The following PCDHGA8 variants were observed in gnomAD, a reference collection of about 807,000 sequenced individuals.
PCDHGA8 encodes the protein protocadherin gamma subfamily A, 8.
In PCDHGA8, 45 loss-of-function variants were observed where a neutral mutation model predicts 59.2. That is an observed-to-expected ratio of 0.76 (90% CI 0.60 to 0.98). The LOEUF (loss-of-function observed/expected upper bound fraction) is 0.98, where lower values mean the gene tolerates loss of function less well. Among genes scored for constraint, PCDHGA8 ranks in the 50% least tolerant of loss-of-function variants. The probability of loss-of-function intolerance (pLI) is 0.00; values close to 1 mark genes in which losing one functional copy is unlikely to be tolerated. For missense variants in PCDHGA8, 1,257 were observed against 1,196.2 expected, an observed-to-expected ratio of 1.05 and a Z score of -0.75; for synonymous variants, 531 against 519.0, an observed-to-expected ratio of 1.02 and a Z score of -0.32.
At chr5:141,503,230 G>A (rs911238781) in intron 2 of PCDHGA8, among the ~76,000 whole-genome samples, 1 of 152,006 alleles carries the variant, frequency 6.6e-6, no homozygotes, top group African/African-American at 2.4e-5. Context: ...CCGTAAAGAT[G>A]GACAGTTTCT....
chr5:141,415,853 G>GTAGTT, intron 1 of PCDHGA8: 1 of 1,186,350 alleles, frequency 8.4e-7, no homozygotes, highest in Non-Finnish European at 1.1e-6. Context: ...GCAGAACCTT[G>GTAGTT]TAGTTTATAG....
At position 141,478,876 on chromosome 5, in the gene PCDHGA8, C is replaced by A. The variant is rs2099482470; in HGVS notation, c.2425-15931C>A. 30 of 1,265,748 alleles carry A rather than the reference C, an allele frequency of 2.4e-5. No individual in the cohort carries two copies. The South Asian group carries it at 4.7e-4, about 20-fold the overall frequency. 78.4% of individuals were successfully genotyped at this position (1,265,748 alleles called of 1,614,324 possible). On this transcript the variant is annotated intron_variant, in intron 1 of 3. Transcript: ENST00000398604. ...CAAGATCTCAGCGATCAGAGTTTAGCTTGGTATCATTTACATTAGGAATAA... is the reference window on the plus strand; with the variant it reads ...CAAGATCTCAGCGATCAGAGTTTAGATTGGTATCATTTACATTAGGAATAA...
chr5:141,427,865 G>A, intron 1 of PCDHGA8: 1 of 1,558,148 alleles, frequency 6.4e-7, no homozygotes. Flanking sequence ...GCGCCTTCGA[G>A]CTCACGATGC....
chr5:141,433,365 A>ATCTG, intron 1 of PCDHGA8: 1 of 523,830 alleles, frequency 1.9e-6, no homozygotes, highest in East Asian at 3.1e-5. Context: ...CTGCCTATCT[A>ATCTG]TCTATCTATC....
At chr5:141,400,168 C>T (rs1042097050) in intron 1 of PCDHGA8, 5 of 1,614,088 alleles carry the variant, frequency 3.1e-6, no homozygotes, top group Non-Finnish European at 4.2e-6. Flanking sequence ...CTCTGACCCC[C>T]AGGCTGAGCT....
chr5:141,444,001 C>G (rs2098413288), intron 1 of PCDHGA8, among the ~76,000 whole-genome samples: 1 of 151,914 alleles, frequency 6.6e-6, no homozygotes, highest in Non-Finnish European at 1.5e-5. Flanking sequence ...TTAAATGCTA[C>G]CTGGGTATTG....
At chr5:141,502,575 A>G (rs1314648955) in intron 2 of PCDHGA8, among the ~76,000 whole-genome samples, 2 of 152,208 alleles carry the variant, frequency 1.3e-5, no homozygotes, top group Admixed American at 1.3e-4. Context: ...CATTATAAAA[A>G]TATATTTTTA....
chr5:141,505,413 C>G lies in PCDHGA8; in HGVS notation c.2504C>G (p.Thr835Ser). ...CCCAGCTCCCAAAATGGCGATGACA[C>G]CGGCACCTGGCCCAACAACCAGTTT... Reference protein sequence around the residue: ...GTSGSQNGDDTGTWPNNQFDT... With the variant: ...GTSGSQNGDDSGTWPNNQFDT... Residue 835 changes from threonine to serine, a missense_variant, in exon 3 of 4, where the codon ACC (threonine) becomes AGC (serine). Physicochemically the swap from Thr to Ser is moderately conservative, Grantham distance 58. Coordinates refer to ENST00000398604, the MANE Select transcript of PCDHGA8 (RefSeq NM_032088.2). 2.5e-6 allele frequency: 4 copies of G among 1,614,202 alleles called. No individual in the cohort carries two copies. In the South Asian group the frequency reaches 4.4e-5, roughly 18 times the overall value.
At chr5:141,415,754 T>TTG in intron 1 of PCDHGA8, 4 of 1,385,736 alleles carry the variant, frequency 2.9e-6, no homozygotes, top group South Asian at 1.7e-5. Flanking sequence ...TTTTTTTTTT[T>TTG]TTTTTTTTTT....
rs764482722 is a variant in PCDHGA8 at position 141,432,066 on chromosome 5, C to T, written c.2424+36829C>T. 62 of 1,614,062 alleles carry T rather than the reference C, an allele frequency of 3.8e-5. No individual in the cohort carries two copies. The highest frequency in any genetic ancestry group is 5.2e-5 in the Non-Finnish European group (61 of 1,180,046). On this transcript the variant is annotated intron_variant, in intron 1 of 3. Coordinates refer to ENST00000398604, the MANE Select transcript of PCDHGA8 (RefSeq NM_032088.2). The surrounding 1 kb of genome is among the most constrained non-coding windows in gnomAD (Gnocchi z 6.0). ...GGAACCCCGCCCCTATCCACGGAAA[C>T]TCATATCTCGCTGAACGTGGCAGAC...
intron 1 of PCDHGA8, chr5:141,403,123 G>A: frequency 6.2e-7 from 1 of 1,614,066 alleles, no homozygotes; most frequent in Non-Finnish European, 8.5e-7. Context: ...TGGAGCCCCG[G>A]GAGCTGGCGG....
chr5:141,438,288 G>C (rs752722248), intron 1 of PCDHGA8, among the ~76,000 whole-genome samples: 18 of 151,902 alleles, frequency 1.2e-4, no homozygotes, highest in Non-Finnish European at 2.1e-4. Flanking sequence ...AATTTAATCT[G>C]TATGTAAAAG....
intron 1 of PCDHGA8, chr5:141,419,128 A>T (rs1298102722): frequency 1.2e-6 from 2 of 1,613,768 alleles, no homozygotes; most frequent in East Asian, 2.2e-5. Flanking sequence ...TCACCATCGC[A>T]GCCACAGACA....
In PCDHGA8 at chr5:141,486,474, C is replaced by T. The variant is rs1594589698; in HGVS notation, c.2425-8333C>T. On this transcript the variant is annotated intron_variant, in intron 1 of 3. Transcript: ENST00000398604. This position sits in a 1 kb window ranked among gnomAD's most constrained non-coding sequence, Gnocchi z 5.0. ...ACTGCTTCTGATGCTGGGAACCCTCCTCTCAGTACCCACAGAACTATTTTC... is the reference window on the plus strand; with the variant it reads ...ACTGCTTCTGATGCTGGGAACCCTCTTCTCAGTACCCACAGAACTATTTTC... 1 of 1,614,016 alleles carries T rather than the reference C, an allele frequency of 6.2e-7. No homozygotes were observed. Among genetic ancestry groups the T allele is most frequent in the South Asian group, 1.1e-5 (1 of 91,082 alleles).
chr5:141,403,229 G>C, intron 1 of PCDHGA8: 1 of 1,613,950 alleles, frequency 6.2e-7, no homozygotes, highest in Non-Finnish European at 8.5e-7. Flanking sequence ...GATAGACCGG[G>C]AGGAGCTCTG....
rs1463716042 is a variant in PCDHGA8 at position 141,511,338 on chromosome 5, T to C, written c.*165T>C. 42 of 1,429,834 alleles carry C rather than the reference T, an allele frequency of 2.9e-5. No homozygotes were observed. The highest frequency in any genetic ancestry group is 3.9e-5 in the Non-Finnish European group (42 of 1,075,502). 88.6% of individuals were successfully genotyped at this position (1,429,834 alleles called of 1,614,324 possible). A position where few individuals can be genotyped will look rare whatever the true frequency, so the allele number is the denominator to read the frequency against. On this transcript the variant is annotated 3_prime_UTR_variant, in exon 4 of 4. Coordinates refer to ENST00000398604, the MANE Select transcript of PCDHGA8 (RefSeq NM_032088.2). ...CAGAAACAAGTGCCCAGTCAGCACC[T>C]ACCCCTTCCCCCCCAGGGGGTTGAA... is the stretch of plus-strand genomic sequence containing the variant.
rs768907590 is a variant in PCDHGA8, at chr5:141,422,045, G to C, written c.2424+26808G>C. Reference sequence around the variant, plus strand: ...GTTAATGCAACGGATCCAGACGAGGGAATCAACGGGGAAGTAATGTATTCA... The same window carrying C: ...GTTAATGCAACGGATCCAGACGAGGCAATCAACGGGGAAGTAATGTATTCA... On this transcript the variant is annotated intron_variant, in intron 1 of 3. Transcript: ENST00000398604. 1.5e-5 allele frequency: 24 copies of C among 1,611,434 alleles called. No individual in the cohort carries two copies. The Admixed American group carries it at 3.9e-4, about 26-fold the overall frequency.
Position 141,490,046 on chromosome 5 carries a change from C to A in PCDHGA8, c.2425-4761C>A, listed in dbSNP as rs2099695274. ...CTGCTCCGCCTCAATGCCACTGATC[C>A]AGACGAGGGCACCAACGGCCAACTA... On this transcript the variant is annotated intron_variant, in intron 1 of 3. Transcript: ENST00000398604. This position sits in a 1 kb window ranked among gnomAD's most constrained non-coding sequence, Gnocchi z 5.4. 1 of 1,614,094 alleles carries A rather than the reference C, an allele frequency of 6.2e-7. No individual in the cohort carries two copies.
At chr5:141,414,155 A>G in intron 1 of PCDHGA8, 1 of 1,601,706 alleles carries the variant, frequency 6.2e-7, no homozygotes, top group Non-Finnish European at 8.5e-7. Context: ...CAAGCAGAAG[A>G]TGGAGGAGCA....
Sources: allele counts gnomAD v4.1 joint callset (sites outside exome capture counted in the v4.1 genomes callset), GRCh38; gene constraint gnomAD v4.1.1; non-coding constraint Gnocchi (gnomAD v3.1); transcripts MANE v1.5; gene names NCBI Gene and HGNC (gene_info 2026-07-23, HGNC 2026-07-21).